The following CD36 variants were observed in gnomAD, a reference collection of about 807,000 sequenced individuals.
CD36 encodes CD36 molecule (CD36 blood group).
In CD36, 119 loss-of-function variants were observed where a neutral mutation model predicts 55.2. The ratio of observed to expected loss-of-function variants is 2.15; its 90% CI spans 1.86 to 2.51. The LOEUF is 2.51. Among genes scored for constraint, CD36 ranks in the 30% most tolerant of loss-of-function variants. The pLI, the probability that CD36 is intolerant of heterozygous loss-of-function variation, is 0.00. For missense variants in CD36, 819 were observed against 555.5 expected (o/e 1.47, Z -4.77); for synonymous variants, 186 against 193.6 (o/e 0.96, Z 0.33).
intron 1 of CD36, among the ~76,000 whole-genome samples, chr7:80,607,763 TTTG>T (rs796423379): frequency 2.6e-4 from 39 of 151,986 alleles, no homozygotes; most frequent in African/African-American, 7.7e-4. Context: ...CTAAACTCTT[TTTG>T]TTGTTGTTGT....
At chr7:80,638,191 G>A (rs192358547), upstream of CD36, among the ~76,000 whole-genome samples, 8 of 151,852 alleles carry the variant, frequency 5.3e-5, no homozygotes, top group East Asian at 3.9e-4. Context: ...TCAGAATTAC[G>A]CTGTATAAAA....
At chr7:80,624,591 T>C (rs1444037406) in intron 1 of CD36, among the ~76,000 whole-genome samples, 1 of 152,076 alleles carries the variant, frequency 6.6e-6, no homozygotes, top group Non-Finnish European at 1.5e-5. Context: ...GGCAAATTCG[T>C]GTGTAGCCAT....
chr7:80,614,542 C>T (rs111804268), intron 1 of CD36, among the ~76,000 whole-genome samples: 45 of 152,266 alleles, frequency 3.0e-4, no homozygotes, highest in Non-Finnish European at 5.6e-4. Context: ...ATCAATGTCT[C>T]TTGTACATTA....
chr7:80,647,299 G>T, intron 3 of CD36: 1 of 177,686 alleles, frequency 5.6e-6, no homozygotes, highest in South Asian at 1.2e-4. Context: ...GTTTAATATT[G>T]AAACATAAAT....
intron 1 of CD36, among the ~76,000 whole-genome samples, chr7:80,615,655 T>A (rs1262630787): frequency 6.6e-6 from 1 of 152,176 alleles, no homozygotes; most frequent in Non-Finnish European, 1.5e-5. Context: ...TGATTAAAGG[T>A]CAGTTAGTGT....
chr7:80,607,811 G>A (rs552154868), intron 1 of CD36, among the ~76,000 whole-genome samples: 14 of 152,076 alleles, frequency 9.2e-5, no homozygotes, highest in South Asian at 6.2e-4. Context: ...TCACTCTGTC[G>A]CCCAGGCTGG....
chr7:80,672,019 G>C lies in CD36; in HGVS notation c.1104G>C (p.Arg368Ser). 1 of 1,607,740 alleles carries C rather than the reference G, an allele frequency of 6.2e-7. No individual in the cohort carries two copies. Reference protein sequence around the residue: ...DGLNPNEEEHRTYLDIEPITG... With the variant: ...DGLNPNEEEHSTYLDIEPITG... Reference sequence around the variant, plus strand: ...TAAACCCAAATGAAGAAGAACATAGGACATACTTGGATATTGAACCTGTAA... The same window carrying C: ...TAAACCCAAATGAAGAAGAACATAGCACATACTTGGATATTGAACCTGTAA... Residue 368 changes from arginine to serine, a missense_variant, in exon 11 of 15, where the codon AGG (arginine) becomes AGC (serine). Transcript: ENST00000447544.
intron 4 of CD36, among the ~76,000 whole-genome samples, chr7:80,659,520 C>G (rs1465107742): frequency 2.0e-5 from 3 of 152,114 alleles, no homozygotes; most frequent in Non-Finnish European, 2.9e-5. Context: ...TAAATTCCTT[C>G]CCTTGACCTT....
chr7:80,673,395 C>G lies in CD36; in HGVS notation c.1240C>G (p.Leu414Val). Residue 414 changes from leucine to valine, a missense_variant, in exon 13 of 15, where the codon CTT (leucine) becomes GTT (valine). Leu to Val is a conservative substitution (Grantham distance 32, BLOSUM62 1). Coordinates refer to ENST00000447544, the MANE Select transcript of CD36 (RefSeq NM_001001548.3). ...NLKRNYIVPI[L>V]WLNETGTIGD... ...GAAGAGGAACTATATTGTGCCTATT[C>G]TTTGGCTTAATGAGGTTTGTATTTG... 6.4e-7 allele frequency: 1 copy of G among 1,569,190 alleles called. No homozygotes were observed. Among genetic ancestry groups the G allele is most frequent in the South Asian group, 1.1e-5 (1 of 90,054 alleles).
At chr7:80,661,481 T>C (rs1357729649) in intron 5 of CD36, among the ~76,000 whole-genome samples, 3 of 152,206 alleles carry the variant, frequency 2.0e-5, no homozygotes, top group Non-Finnish European at 4.4e-5. Flanking sequence ...TACAGGAAGA[T>C]GCTTAAGAAA....
chr7:80,666,368 T>TATA (rs1460940525), intron 7 of CD36, 75 bp from the exon 8 acceptor site: 7 of 955,056 alleles, frequency 7.3e-6, no homozygotes, highest in Admixed American at 1.8e-5. Context: ...AGTATTGAAT[T>TATA]ATAATAGAAA....
chr7:80,627,329 A>G (rs1793797422), intron 1 of CD36, among the ~76,000 whole-genome samples: 1 of 152,092 alleles, frequency 6.6e-6, no homozygotes, highest in Admixed American at 6.6e-5. Flanking sequence ...CACAGACGGA[A>G]ACAAGTACAA....
intron 1 of CD36, among the ~76,000 whole-genome samples, chr7:80,610,448 A>G (rs2781844): frequency 0.059 from 8,956 of 152,284 alleles, 559 homozygotes; most frequent in African/African-American, 0.15. Context: ...AAGAATAGTA[A>G]TATCTTCAGT....
chr7:80,634,203 T>A (rs1313942973), upstream of CD36, among the ~76,000 whole-genome samples: 2 of 152,032 alleles, frequency 1.3e-5, no homozygotes, highest in African/African-American at 4.8e-5. Context: ...AGCAAGGTAA[T>A]ACATGTGAAA....
chr7:80,671,114 C>A lies in CD36; in HGVS notation c.956C>A (p.Ser319Ter), dbSNP rs770214805. ...TGTTTCTGCACAGAAAAAATTATCTCAAAAAATTGTACATCATATGGTGTG... is the reference window on the plus strand; with the variant it reads ...TGTTTCTGCACAGAAAAAATTATCTAAAAAAATTGTACATCATATGGTGTG... ...NYCFCTEKII[S>*]KNCTSYGVLD... is the part of the protein sequence containing the mutation. Residue 319 changes from serine to a stop codon, truncating the protein, a stop_gained, in exon 10 of 15, where the codon TCA becomes TAA. Transcript: ENST00000447544. LOFTEE classifies it high-confidence loss of function. 2.5e-6 allele frequency: 4 copies of A among 1,613,166 alleles called. No homozygotes were observed. Among genetic ancestry groups the A allele is most frequent in the African/African-American group, 1.3e-5 (1 of 74,868 alleles).
chr7:80,672,875 GATCTGTAGTATCGTAGTATC>G, intron 12 of CD36, 32 bp downstream of exon 12: 5 of 1,367,694 alleles, frequency 3.7e-6, no homozygotes, highest in Non-Finnish European at 3.1e-6. Flanking sequence ...ATTTTGATAT[GATCTGTAGTATCGTAGTATC>G]TTCTTGTAAG....
intron 1 of CD36, among the ~76,000 whole-genome samples, chr7:80,622,297 T>C (rs1303668379): frequency 6.6e-6 from 1 of 152,238 alleles, no homozygotes; most frequent in African/African-American, 2.4e-5. Context: ...AGCTGGGACA[T>C]GCCAGTGTGG....
chr7:80,632,692 G>A (rs1253847966), intron 1 of CD36, among the ~76,000 whole-genome samples: 1 of 151,864 alleles, frequency 6.6e-6, no homozygotes, highest in South Asian at 2.1e-4. Context: ...AACAAAATAA[G>A]AAAAACCTAA....
chr7:80,635,507 T>G (rs532617369), upstream of CD36, among the ~76,000 whole-genome samples: 3 of 152,082 alleles, frequency 2.0e-5, no homozygotes, highest in Admixed American at 6.6e-5. Context: ...ACTCCTGACC[T>G]CAAGTGATCC....
Sources: allele counts gnomAD v4.1 joint callset (sites outside exome capture counted in the v4.1 genomes callset), GRCh38; gene constraint gnomAD v4.1.1; transcripts MANE v1.5; gene names NCBI Gene and HGNC (gene_info 2026-07-23, HGNC 2026-07-21).